Variants in KIF18A observed in about 807,000 individuals in gnomAD.
KIF18A encodes kinesin family member 18A.
KIF18A carries 67 observed loss-of-function variants against 103.3 expected under a neutral mutation model. That is an observed-to-expected ratio of 0.65 (90% CI 0.53 to 0.79). The LOEUF (loss-of-function observed/expected upper bound fraction) is 0.79. KIF18A is among the 30% of genes least tolerant of loss of function. The pLI is 0.00. For synonymous variants in KIF18A, 367 were observed against 355.5 expected (o/e 1.03, Z -0.36); for missense variants, 1,032 against 1,062.5 (o/e 0.97, Z 0.40).
chr11:28,034,869 T>G (rs1850462793), intron 15 of KIF18A, among the ~76,000 whole-genome samples: 1 of 151,702 alleles, frequency 6.6e-6, no homozygotes, highest in African/African-American at 2.4e-5. Flanking sequence ...CTCCATTGCC[T>G]TCAAGCAGCT....
chr11:28,071,373 C>T (rs35638070), intron 10 of KIF18A, among the ~76,000 whole-genome samples: 5,504 of 151,626 alleles, frequency 0.036, 138 homozygotes, highest in Non-Finnish European at 0.052. Context: ...TGTAAAACAA[C>T]GCCACTCTTC....
intron 5 of KIF18A, among the ~76,000 whole-genome samples, chr11:28,089,671 C>T (rs540408265): frequency 2.0e-5 from 3 of 152,200 alleles, no homozygotes; most frequent in East Asian, 1.9e-4. Context: ...ACTGAAATGT[C>T]GTTATGCGGC....
Position 28,069,361 on chromosome 11 carries a change from TTTCTC to T in KIF18A, c.1483_1487del (p.Glu495LysfsTer10). ...ATTGCTTCAATTCCTCCTCCCTCCT[TTTCTC>T]CAGGTAGGAGCGACGAGTTTTCAAC... is the stretch of plus-strand genomic sequence containing the variant. On this transcript the variant is annotated frameshift_variant, in exon 11 of 17. Coordinates refer to ENST00000263181, the MANE Select transcript of KIF18A (RefSeq NM_031217.4). LOFTEE classifies it high-confidence loss of function. 6.2e-7 allele frequency: 1 copy of T among 1,613,642 alleles called. No individual in the cohort carries two copies. Among genetic ancestry groups the T allele is most frequent in the Non-Finnish European group, 8.5e-7 (1 of 1,179,744 alleles).
intron 1 of KIF18A, among the ~76,000 whole-genome samples, chr11:28,099,187 G>A (rs1851415420): frequency 6.6e-6 from 1 of 152,090 alleles, no homozygotes; most frequent in Non-Finnish European, 1.5e-5. Flanking sequence ...CATTTATGAC[G>A]ACATGAATGA....
At chr11:28,072,715 T>C (rs570546032) in intron 10 of KIF18A, among the ~76,000 whole-genome samples, 19 of 151,462 alleles carry the variant, frequency 1.3e-4, no homozygotes, top group African/African-American at 4.6e-4. Flanking sequence ...GAAAAGGCAA[T>C]TGGGTTGAAA....
chr11:28,055,137 T>A (rs1483581822), intron 13 of KIF18A, among the ~76,000 whole-genome samples: 2 of 152,260 alleles, frequency 1.3e-5, no homozygotes, highest in East Asian at 3.9e-4. Context: ...GTCTAATGCT[T>A]TATTAAAAGA....
intron 1 of KIF18A, among the ~76,000 whole-genome samples, chr11:28,104,113 C>G (rs931541473): frequency 2.6e-5 from 4 of 152,148 alleles, no homozygotes; most frequent in Non-Finnish European, 4.4e-5. Context: ...TAGTGCTCAT[C>G]CCAGATTAAA....
intron 11 of KIF18A, among the ~76,000 whole-genome samples, chr11:28,066,769 G>C (rs1284025349): frequency 6.7e-6 from 1 of 148,450 alleles, no homozygotes; most frequent in East Asian, 2.0e-4. Flanking sequence ...CAGAATCATT[G>C]TTCTGGAAGA....
In KIF18A at chr11:28,036,252, T is replaced by G; in HGVS notation, c.2361A>C (p.Glu787Asp). 4 of 1,605,748 alleles carry G rather than the reference T, an allele frequency of 2.5e-6. No homozygotes were observed. Among genetic ancestry groups the G allele is most frequent in the Non-Finnish European group, 3.4e-6 (4 of 1,175,692 alleles). The change falls in exon 14 of 17, where the codon GAA becomes GAC. Residue 787 changes from glutamate to aspartate, a missense_variant. Coordinates refer to ENST00000263181, the MANE Select transcript of KIF18A (RefSeq NM_031217.4). ...KSSKCKLPEQ[E>D]SLPNDNKDIL... ...TGTCTTTGTTATCATTTGGTAGTGATTCTTGTTCGGGTAATTTACACTTCG... is the reference window on the plus strand; with the variant it reads ...TGTCTTTGTTATCATTTGGTAGTGAGTCTTGTTCGGGTAATTTACACTTCG...
chr11:28,051,051 C>G (rs758746270), intron 13 of KIF18A, among the ~76,000 whole-genome samples: 1 of 151,436 alleles, frequency 6.6e-6, no homozygotes, highest in East Asian at 1.9e-4. Flanking sequence ...AAAACACTTA[C>G]GAAGAAAACT....
At chr11:28,041,780 G>A (rs1366450124) in intron 13 of KIF18A, among the ~76,000 whole-genome samples, 1 of 151,680 alleles carries the variant, frequency 6.6e-6, no homozygotes, top group Non-Finnish European at 1.5e-5. Context: ...GATGTGAGAA[G>A]GGTATTATAA....
chr11:28,089,652 C>A (rs1206248692), intron 5 of KIF18A, among the ~76,000 whole-genome samples: 1 of 152,110 alleles, frequency 6.6e-6, no homozygotes, highest in Non-Finnish European at 1.5e-5. Context: ...TATATGTGGA[C>A]TGTTGTTGAC....
At position 28,058,988 on chromosome 11, in the gene KIF18A, A is replaced by G. The variant is rs953226602; in HGVS notation, c.1886T>C (p.Leu629Pro). 27 of 1,614,018 alleles carry G rather than the reference A, an allele frequency of 1.7e-5. No individual in the cohort carries two copies. The Admixed American group carries it at 3.2e-4, about 19-fold the overall frequency. ...QTAEQPKQND[L>P]PGISVLMTFP... ...GGTCATAAGAACAGAAATCCCTGGTAGATCGTTTTGCTTTGGTTGTTCGGC... is the reference window on the plus strand; with the variant it reads ...GGTCATAAGAACAGAAATCCCTGGTGGATCGTTTTGCTTTGGTTGTTCGGC... Residue 629 changes from leucine (L) to proline (P), a missense_variant, in exon 13 of 17, where the codon CTA (leucine) becomes CCA (proline). By Grantham distance (98) the Leu-to-Pro change is moderately conservative. Transcript: ENST00000263181.
In KIF18A at chr11:28,082,982, A is replaced by G. The variant is rs1001710213; in HGVS notation, c.1150-14T>C. On this transcript the variant is annotated splice_polypyrimidine_tract_variant and intron_variant, in intron 8 of 16. Coordinates refer to ENST00000263181, the MANE Select transcript of KIF18A (RefSeq NM_031217.4). ...TAACAATAAAATCTAGTAGAGAGAAATCACTAGTTAAAATACAAAAGAAGT... is the reference window on the plus strand; with the variant it reads ...TAACAATAAAATCTAGTAGAGAGAAGTCACTAGTTAAAATACAAAAGAAGT... The G allele has an allele frequency of 6.6e-7, 1 of 1,515,578 alleles. No homozygotes were observed. Among genetic ancestry groups the G allele is most frequent in the Non-Finnish European group, 9.0e-7 (1 of 1,112,086 alleles). 93.9% of individuals were successfully genotyped at this position (1,515,578 alleles called of 1,614,324 possible). A position where few individuals can be genotyped will look rare whatever the true frequency, so the allele number is the denominator to read the frequency against.
intron 14 of KIF18A, 43 bp downstream of exon 14, chr11:28,036,174 C>T (rs767287903): frequency 7.7e-7 from 1 of 1,299,568 alleles, no homozygotes; most frequent in Non-Finnish European, 1.1e-6. Flanking sequence ...AGTTGAAAGT[C>T]TATGTTAAAA....
intron 7 of KIF18A, 38 bp downstream of exon 7, chr11:28,084,594 C>A (rs1590703822): frequency 2.0e-6 from 3 of 1,463,942 alleles, no homozygotes; most frequent in East Asian, 4.6e-5. Context: ...CATATGCAGA[C>A]AATACCTTCA....
intron 15 of KIF18A, among the ~76,000 whole-genome samples, chr11:28,029,199 T>C (rs1020789952): frequency 2.0e-5 from 3 of 152,144 alleles, no homozygotes; most frequent in Admixed American, 1.3e-4. Context: ...ATCATCCTGA[T>C]ACCAAAGCCT....
intron 13 of KIF18A, among the ~76,000 whole-genome samples, chr11:28,040,712 G>T (rs12278238): frequency 0.14 from 21,436 of 151,606 alleles, 1,718 homozygotes; most frequent in East Asian, 0.28. Flanking sequence ...TATCTCTAGG[G>T]TCTATCTAAG....
At chr11:28,064,339 T>C (rs866581719) in intron 11 of KIF18A, among the ~76,000 whole-genome samples, 22 of 152,018 alleles carry the variant, frequency 1.4e-4, no homozygotes, top group South Asian at 2.1e-4. Flanking sequence ...ATCAGTTTAC[T>C]TGACTAAAAT....
Sources: allele counts gnomAD v4.1 joint callset (sites outside exome capture counted in the v4.1 genomes callset), GRCh38; gene constraint gnomAD v4.1.1; transcripts MANE v1.5; gene names NCBI Gene and HGNC (gene_info 2026-07-23, HGNC 2026-07-21).